Variants in SPOCK3 observed in about 807,000 individuals in gnomAD.
SPOCK3 encodes testican-3.
In SPOCK3, 30 loss-of-function variants were observed where a neutral mutation model predicts 56.6. The ratio of observed to expected loss-of-function variants is 0.53; its 90% CI spans 0.40 to 0.72. SPOCK3 has a LOEUF of 0.72. Ranked by LOEUF, SPOCK3 falls within the 30% of genes least tolerant of loss-of-function variation. SPOCK3 has a pLI of 0.00. For synonymous variants in SPOCK3, 196 were observed against 183.3 expected (o/e 1.07, Z -0.56); for missense variants, 527 against 530.0 (o/e 0.99, Z 0.06).
intron 6 of SPOCK3, among the ~76,000 whole-genome samples, chr4:166,854,003 A>G (rs1579432650): frequency 4.6e-5 from 7 of 152,356 alleles, no homozygotes; most frequent in Admixed American, 4.6e-4. Flanking sequence ...AAACAATGTT[A>G]GTTTGAGCAA....
intron 2 of SPOCK3, among the ~76,000 whole-genome samples, chr4:167,093,327 T>C (rs1314819695): frequency 6.6e-6 from 1 of 152,170 alleles, no homozygotes; most frequent in Non-Finnish European, 1.5e-5. Flanking sequence ...AAGTTCAGGA[T>C]ACATGTGCAG....
intron 3 of SPOCK3, among the ~76,000 whole-genome samples, chr4:167,052,336 A>G (rs1754313366): frequency 6.6e-6 from 1 of 152,202 alleles, no homozygotes; most frequent in Non-Finnish European, 1.5e-5. Flanking sequence ...ATAATTTCTT[A>G]GCAGGTTTTC....
intron 2 of SPOCK3, among the ~76,000 whole-genome samples, chr4:167,155,697 G>A (rs1012724598): frequency 6.6e-6 from 1 of 152,094 alleles, no homozygotes; most frequent in South Asian, 2.1e-4. Flanking sequence ...AACATAGAAA[G>A]GCTTGAAAGG....
At chr4:166,878,245 A>T (rs1263828644) in intron 6 of SPOCK3, among the ~76,000 whole-genome samples, 1 of 152,116 alleles carries the variant, frequency 6.6e-6, no homozygotes, top group Non-Finnish European at 1.5e-5. Context: ...CGCCACTGCA[A>T]TCCACCCTGG....
At chr4:167,006,787 T>A in intron 3 of SPOCK3, among the ~76,000 whole-genome samples, 1 of 152,202 alleles carries the variant, frequency 6.6e-6, no homozygotes, top group African/African-American at 2.4e-5. Flanking sequence ...CCGCCTCTTT[T>A]CCCAGGCATA....
chr4:167,057,801 C>T (rs540623924), intron 3 of SPOCK3, among the ~76,000 whole-genome samples: 34 of 152,248 alleles, frequency 2.2e-4, no homozygotes, highest in African/African-American at 7.2e-4. Flanking sequence ...TCCTGAGTGA[C>T]GTACAAAGAG....
Position 166,912,708 on chromosome 4 carries a change from C to A in SPOCK3, c.386G>T (p.Arg129Met). Reference protein sequence around the residue: ...KEAGVDHRQWRGPILSTCKQC... With the variant: ...KEAGVDHRQWMGPILSTCKQC... ...CTTGCAGGTGGATAATATGGGACCC[C>A]TCCACTGCCTATGGTCTACTCCTGC... The change falls in exon 5 of 11, where the codon AGG becomes ATG. Residue 129 changes from arginine to methionine, a missense_variant. Coordinates refer to ENST00000357545, the MANE Select transcript of SPOCK3 (RefSeq NM_001040159.2). 6.2e-7 allele frequency: 1 copy of A among 1,613,252 alleles called. No homozygotes were observed. The highest frequency in any genetic ancestry group is 8.5e-7 in the Non-Finnish European group (1 of 1,179,588).
At chr4:167,004,784 A>C (rs1199814919) in intron 3 of SPOCK3, among the ~76,000 whole-genome samples, 1 of 152,224 alleles carries the variant, frequency 6.6e-6, no homozygotes, top group Non-Finnish European at 1.5e-5. Context: ...ACCACTGAAC[A>C]ATAAATAAGA....
chr4:166,942,606 T>C (rs1167193784), intron 4 of SPOCK3, among the ~76,000 whole-genome samples: 1 of 151,830 alleles, frequency 6.6e-6, no homozygotes, highest in Non-Finnish European at 1.5e-5. Flanking sequence ...TATATTTCAA[T>C]AAATGGATAC....
chr4:166,750,392 C>T (rs1158588672), intron 8 of SPOCK3, among the ~76,000 whole-genome samples: 1 of 152,048 alleles, frequency 6.6e-6, no homozygotes, highest in Non-Finnish European at 1.5e-5. Context: ...GGATTCATCT[C>T]ATAAGATGAA....
At chr4:166,809,571 G>A (rs1337708499) in intron 6 of SPOCK3, among the ~76,000 whole-genome samples, 1 of 152,010 alleles carries the variant, frequency 6.6e-6, no homozygotes, top group African/African-American at 2.4e-5. Context: ...AATACTTTGA[G>A]TCAGACAGTC....
At chr4:166,852,917 C>T (rs1457330866) in intron 6 of SPOCK3, among the ~76,000 whole-genome samples, 1 of 152,046 alleles carries the variant, frequency 6.6e-6, no homozygotes, top group African/African-American at 2.4e-5. Flanking sequence ...TTAACATAAC[C>T]ATGAGAAAAG....
intron 5 of SPOCK3, among the ~76,000 whole-genome samples, chr4:166,892,876 G>A (rs970709702): frequency 2.0e-5 from 3 of 151,988 alleles, no homozygotes; most frequent in African/African-American, 4.8e-5. Context: ...AAAAAAATGC[G>A]GCATATGAAA....
At chr4:166,810,591 G>A (rs1560883081) in intron 6 of SPOCK3, among the ~76,000 whole-genome samples, 1 of 151,778 alleles carries the variant, frequency 6.6e-6, no homozygotes, top group Non-Finnish European at 1.5e-5. Flanking sequence ...TTTTTTCAGT[G>A]TTATAAACAA....
intron 4 of SPOCK3, among the ~76,000 whole-genome samples, chr4:166,958,113 C>T (rs1009876555): frequency 5.3e-5 from 8 of 152,078 alleles, no homozygotes; most frequent in Non-Finnish European, 8.8e-5. Context: ...GTTGATTGGA[C>T]CATGGGGGTG....
chr4:167,056,823 A>T (rs1312480389), intron 3 of SPOCK3, among the ~76,000 whole-genome samples: 1 of 152,224 alleles, frequency 6.6e-6, no homozygotes, highest in Non-Finnish European at 1.5e-5. Context: ...CTGTACCTAA[A>T]AGTGACGGGG....
At chr4:167,138,832 T>C (rs978774611) in intron 2 of SPOCK3, among the ~76,000 whole-genome samples, 8 of 152,068 alleles carry the variant, frequency 5.3e-5, no homozygotes, top group South Asian at 2.1e-4. Flanking sequence ...AAGCTCTTAT[T>C]TGAGATATTT....
chr4:167,216,870 CT>C (rs1367282297), intron 2 of SPOCK3, among the ~76,000 whole-genome samples: 3 of 152,072 alleles, frequency 2.0e-5, no homozygotes, highest in Non-Finnish European at 4.4e-5. Flanking sequence ...AGAAGATTAG[CT>C]TTGGAAAAGC....
intron 4 of SPOCK3, among the ~76,000 whole-genome samples, chr4:166,965,478 T>C (rs13123889): frequency 0.14 from 21,272 of 151,806 alleles, 1,961 homozygotes; most frequent in African/African-American, 0.27. Context: ...GGTATTTTTT[T>C]TCTTTTGGCA....
Sources: gnomAD v4.1 joint callset for allele counts (sites outside exome capture counted in the v4.1 genomes callset) on GRCh38, gnomAD v4.1.1 for gene constraint, MANE v1.5 for transcripts, NCBI Gene and HGNC (gene_info 2026-07-23, HGNC 2026-07-21) for gene names.